CTNNA2: variants seen among roughly 807,000 people sequenced by gnomAD.
The protein encoded by CTNNA2 is catenin alpha 2.
In CTNNA2, 42 loss-of-function variants were observed where a neutral mutation model predicts 101.0. That is an observed-to-expected ratio of 0.42 (90% CI 0.32 to 0.54). The LOEUF (loss-of-function observed/expected upper bound fraction) is 0.54, where lower values mean the gene tolerates loss of function less well. Among genes scored for constraint, CTNNA2 ranks in the 20% least tolerant of loss-of-function variants. The pLI, the probability that CTNNA2 is intolerant of heterozygous loss-of-function variation, is 0.14. For synonymous variants in CTNNA2, 450 were observed against 456.4 expected (o/e 0.99, Z 0.18); for missense variants, 871 against 1,223.1 (o/e 0.71, Z 4.29).
At chr2:79,768,182 C>A (rs115006324) in intron 3 of CTNNA2, among the ~76,000 whole-genome samples, 2,280 of 151,754 alleles carry the variant, frequency 0.015, 58 homozygotes, top group African/African-American at 0.052. Context: ...AACAGGACAG[C>A]ACTGAGTTCA....
intron 7 of CTNNA2, among the ~76,000 whole-genome samples, chr2:80,145,792 C>A (rs1156893332): frequency 6.6e-6 from 1 of 152,220 alleles, no homozygotes. Flanking sequence ...TATGACTTTA[C>A]AGAAAAGGTT....
At chr2:79,920,915 G>T (rs190212205) in intron 7 of CTNNA2, among the ~76,000 whole-genome samples, 20 of 152,254 alleles carry the variant, frequency 1.3e-4, no homozygotes, top group African/African-American at 4.1e-4. Flanking sequence ...ACCTGTTTCG[G>T]CATGAGCTCT....
At chr2:79,896,026 T>C (rs1013077131) in intron 6 of CTNNA2, among the ~76,000 whole-genome samples, 1 of 152,042 alleles carries the variant, frequency 6.6e-6, no homozygotes, top group African/African-American at 2.4e-5. Flanking sequence ...TTCATGCCCA[T>C]AATCCCAGCA....
intron 2 of CTNNA2, among the ~76,000 whole-genome samples, chr2:79,202,258 G>C (rs1674045310): frequency 6.6e-6 from 1 of 152,004 alleles, no homozygotes. Flanking sequence ...TGATTTTGGA[G>C]TCTCAAGATT....
At chr2:80,402,206 T>C (rs901139625) in intron 8 of CTNNA2, among the ~76,000 whole-genome samples, 2 of 152,166 alleles carry the variant, frequency 1.3e-5, no homozygotes, top group African/African-American at 4.8e-5. Context: ...TAGGATGAGG[T>C]ATGTGGGAAG....
intron 15 of CTNNA2, among the ~76,000 whole-genome samples, chr2:80,590,856 G>A (rs745435161): frequency 1.3e-4 from 20 of 152,056 alleles, no homozygotes; most frequent in Non-Finnish European, 2.4e-4. Flanking sequence ...CGTAACAGCA[G>A]GAAAAAAGTC....
intron 3 of CTNNA2, among the ~76,000 whole-genome samples, chr2:79,828,809 A>G (rs1004341517): frequency 1.3e-5 from 2 of 152,216 alleles, no homozygotes; most frequent in Non-Finnish European, 2.9e-5. Flanking sequence ...TCTCGGCCCC[A>G]TTCCAGACCC....
intron 4 of CTNNA2, among the ~76,000 whole-genome samples, chr2:79,408,129 C>G (rs1048088931): frequency 6.6e-6 from 1 of 151,926 alleles, no homozygotes; most frequent in African/African-American, 2.4e-5. Context: ...CTGCCTGACT[C>G]TGAGAATCCG....
intron 7 of CTNNA2, among the ~76,000 whole-genome samples, chr2:80,022,700 T>A (rs989976144): frequency 6.6e-6 from 1 of 152,150 alleles, no homozygotes; most frequent in Non-Finnish European, 1.5e-5. Context: ...CATGACAATG[T>A]TGTCTTTCTC....
intron 7 of CTNNA2, among the ~76,000 whole-genome samples, chr2:79,953,216 T>C (rs1475929061): frequency 2.6e-5 from 4 of 152,154 alleles, no homozygotes; most frequent in Non-Finnish European, 5.9e-5. Flanking sequence ...GGAAGGTAGA[T>C]TCCCACTTTT....
chr2:79,895,936 C>T (rs1684685511), intron 6 of CTNNA2, among the ~76,000 whole-genome samples: 1 of 152,112 alleles, frequency 6.6e-6, no homozygotes, highest in Non-Finnish European at 1.5e-5. Context: ...AGGAGATTCT[C>T]AGAATTTACC....
intron 1 of CTNNA2, among the ~76,000 whole-genome samples, chr2:79,516,238 CAA>C (rs1326559350): frequency 6.6e-6 from 1 of 152,128 alleles, no homozygotes; most frequent in Non-Finnish European, 1.5e-5. Flanking sequence ...TTGGTACAAA[CAA>C]AACATGTATT....
chr2:80,458,801 T>G (rs993160675), intron 9 of CTNNA2, among the ~76,000 whole-genome samples: 8 of 152,154 alleles, frequency 5.3e-5, no homozygotes, highest in Non-Finnish European at 8.8e-5. Flanking sequence ...TTATAGAGAC[T>G]TAAACAATTA....
At chr2:79,294,265 GT>G (rs1263110553) in intron 2 of CTNNA2, among the ~76,000 whole-genome samples, 6 of 151,656 alleles carry the variant, frequency 4.0e-5, no homozygotes. Context: ...AGGAGGAGAA[GT>G]TGGAGGAGGA....
At chr2:80,600,859 C>T (rs970993496) in intron 15 of CTNNA2, among the ~76,000 whole-genome samples, 1 of 152,214 alleles carries the variant, frequency 6.6e-6, no homozygotes, top group African/African-American at 2.4e-5. Context: ...AGGTGTGAGG[C>T]ACCTGTCAGT....
In CTNNA2 at chr2:80,164,948, T is replaced by TG. The variant is rs1346217188; in HGVS notation, c.1057-228263_1057-228262insG. Among the ~76,000 whole-genome samples, 1,461 of 148,210 alleles carry TG rather than the reference T, an allele frequency of 9.9e-3. 34 individuals carry two copies. The highest frequency in any genetic ancestry group is 0.034 in the African/African-American group (1,357 of 39,398). On this transcript the variant is annotated intron_variant, in intron 7 of 18. Coordinates refer to ENST00000402739, the MANE Select transcript of CTNNA2 (RefSeq NM_001282597.3). Reference sequence around the variant, plus strand: ...CTTTTCCCAACTTTTGGTTTTTTTTTTTTTTTTTTCTAGATAAGACTTGTA... The same window carrying TG: ...CTTTTCCCAACTTTTGGTTTTTTTTTGTTTTTTTTTCTAGATAAGACTTGTA...
intron 2 of CTNNA2, among the ~76,000 whole-genome samples, chr2:79,310,177 C>G (rs1676335244): frequency 6.6e-6 from 1 of 152,026 alleles, no homozygotes; most frequent in Non-Finnish European, 1.5e-5. Flanking sequence ...TTTTCAAGTA[C>G]TTAGACTATG....
intron 7 of CTNNA2, among the ~76,000 whole-genome samples, chr2:79,944,023 G>A (rs1229475767): frequency 6.6e-6 from 1 of 152,136 alleles, no homozygotes; most frequent in Non-Finnish European, 1.5e-5. Context: ...CCTTGTGTCT[G>A]TTTCTAAATG....
chr2:80,521,517 C>T (rs887174383), intron 9 of CTNNA2, among the ~76,000 whole-genome samples: 1 of 152,136 alleles, frequency 6.6e-6, no homozygotes, highest in African/African-American at 2.4e-5. Flanking sequence ...AGGACATGAG[C>T]CTGGATTTAT....
Sources: allele counts gnomAD v4.1 joint callset (sites outside exome capture counted in the v4.1 genomes callset), GRCh38; gene constraint gnomAD v4.1.1; transcripts MANE v1.5; gene names NCBI Gene and HGNC (gene_info 2026-07-23, HGNC 2026-07-21).